Variants in CLCN4 observed in about 807,000 individuals in gnomAD.
CLCN4 encodes H(+)/Cl(-) exchange transporter 4.
A neutral mutation model predicts 41.7 loss-of-function variants in CLCN4; 1 was observed. That is an observed-to-expected ratio of 0.02 (90% CI 0.01 to 0.11). CLCN4 has a LOEUF of 0.11. Among genes scored for constraint, CLCN4 ranks in the 10% least tolerant of loss-of-function variants. The pLI, the probability that CLCN4 is intolerant of heterozygous loss-of-function variation, is 1.00. For synonymous variants in CLCN4, 277 were observed against 285.8 expected (o/e 0.97, Z 0.31); for missense variants, 287 against 661.0 (o/e 0.43, Z 6.20).
chrX:10,157,098 A>T lies in CLCN4; in HGVS notation c.-277A>T. 1 of 297,848 alleles carries T rather than the reference A, an allele frequency of 3.4e-6. No individual in the cohort carries two copies. Among genetic ancestry groups the T allele is most frequent in the Admixed American group, 6.0e-5 (1 of 16,591 alleles). 24.5% of individuals were successfully genotyped at this position (297,848 alleles called of 1,213,427 possible). A position where few individuals can be genotyped will look rare whatever the true frequency, so the allele number is the denominator to read the frequency against. ...ACTTTATCTCAGAATCTGAAAGCGGAAGGTAAGCTGCTTATCACTCAGAAA... is the reference window on the plus strand; with the variant it reads ...ACTTTATCTCAGAATCTGAAAGCGGTAGGTAAGCTGCTTATCACTCAGAAA... On this transcript the variant is annotated splice_region_variant and 5_prime_UTR_variant, in exon 1 of 13. Transcript: ENST00000380833.
At chrX:10,212,148 A>C (rs1924573283) in intron 9 of CLCN4, among the ~76,000 whole-genome samples, 1 of 112,488 alleles carries the variant, frequency 8.9e-6, no homozygotes, top group African/African-American at 3.2e-5. Flanking sequence ...GTCTCAACTG[A>C]CAGATGCTCA....
intron 6 of CLCN4, among the ~76,000 whole-genome samples, chrX:10,200,034 A>G (rs1303687898): frequency 8.9e-6 from 1 of 111,789 alleles, no homozygotes; most frequent in East Asian, 2.8e-4. Context: ...TACAGGCGTG[A>G]GCCGCCACGC....
intron 2 of CLCN4, among the ~76,000 whole-genome samples, chrX:10,165,229 G>A (rs957818516): frequency 4.4e-5 from 5 of 112,970 alleles, no homozygotes; most frequent in Admixed American, 9.3e-5. Flanking sequence ...CAGCCCCCTC[G>A]TATTCAACAG....
chrX:10,213,650 T>C, intron 10 of CLCN4, 31 bp from the exon 11 acceptor site: 1 of 1,176,988 alleles, frequency 8.5e-7, no homozygotes, highest in Non-Finnish European at 1.1e-6. Context: ...CGGCTTGCAC[T>C]TTGGAATCTT....
chrX:10,197,698 G>A (rs1162135349), intron 5 of CLCN4, among the ~76,000 whole-genome samples: 1 of 111,736 alleles, frequency 8.9e-6, no homozygotes, highest in Non-Finnish European at 1.9e-5. Context: ...CCTTCCCTGT[G>A]TAGAAGGCGC....
chrX:10,230,985 T>A (rs1032484255), intron 12 of CLCN4, among the ~76,000 whole-genome samples: 2 of 111,882 alleles, frequency 1.8e-5, no homozygotes, highest in Admixed American at 1.9e-4. Context: ...AAATCCCCTG[T>A]GCTCTGCCTA....
At chrX:10,214,441 T>G (rs1924653606) in intron 11 of CLCN4, among the ~76,000 whole-genome samples, 1 of 113,091 alleles carries the variant, frequency 8.8e-6, no homozygotes, top group Non-Finnish European at 1.9e-5. Context: ...TTTCAGCAAT[T>G]GTTGGCTAAA....
intron 6 of CLCN4, among the ~76,000 whole-genome samples, chrX:10,198,774 C>G (rs777582274): frequency 3.7e-4 from 41 of 112,055 alleles, no homozygotes; most frequent in Non-Finnish European, 6.0e-4. Flanking sequence ...AGCTGATTCC[C>G]GAAAAGCCCA....
intron 5 of CLCN4, among the ~76,000 whole-genome samples, chrX:10,197,667 A>C (rs1017368102): frequency 9.0e-6 from 1 of 111,534 alleles, no homozygotes; most frequent in Non-Finnish European, 1.9e-5. Flanking sequence ...AGCATCATCC[A>C]CGGTTTCCAT....
intron 3 of CLCN4, among the ~76,000 whole-genome samples, chrX:10,186,882 A>G: frequency 8.9e-6 from 1 of 111,804 alleles, no homozygotes; most frequent in Non-Finnish European, 1.9e-5. Context: ...AACGGAGACC[A>G]TCCGGCCCGC....
chrX:10,173,340 T>C (rs768510853), intron 2 of CLCN4, among the ~76,000 whole-genome samples: 2 of 111,456 alleles, frequency 1.8e-5, no homozygotes, highest in South Asian at 3.8e-4. Flanking sequence ...AGGCCGCACA[T>C]TGGCAGCACC....
chrX:10,218,846 A>G (rs1199479985), intron 11 of CLCN4, among the ~76,000 whole-genome samples: 2 of 112,445 alleles, frequency 1.8e-5, no homozygotes, highest in Admixed American at 9.4e-5. Context: ...GCTGATGCCT[A>G]TATTTTTGCT....
intron 12 of CLCN4, among the ~76,000 whole-genome samples, chrX:10,224,010 G>A (rs1488929278): frequency 2.7e-5 from 3 of 111,836 alleles, no homozygotes; most frequent in East Asian, 5.6e-4. Flanking sequence ...TGCCACTAAC[G>A]AAGCCTGCTG....
At chrX:10,199,721 C>T (rs937180984) in intron 6 of CLCN4, among the ~76,000 whole-genome samples, 1 of 111,989 alleles carries the variant, frequency 8.9e-6, no homozygotes, top group Admixed American at 9.4e-5. Context: ...AACAAATTTG[C>T]ATTTTCTTTT....
intron 4 of CLCN4, among the ~76,000 whole-genome samples, chrX:10,192,283 A>G (rs1229250750): frequency 1.8e-5 from 2 of 109,882 alleles, no homozygotes; most frequent in African/African-American, 6.8e-5. Flanking sequence ...GGAGAAAAAG[A>G]GAAAGAGAGC....
intron 2 of CLCN4, among the ~76,000 whole-genome samples, chrX:10,171,510 T>C (rs1923385481): frequency 9.0e-6 from 1 of 111,060 alleles, no homozygotes; most frequent in African/African-American, 3.3e-5. Context: ...AAGGCAGCCA[T>C]TAGGGCCGGG....
chrX:10,224,982 C>T (rs752007182), intron 12 of CLCN4, among the ~76,000 whole-genome samples: 160 of 112,114 alleles, frequency 1.4e-3, no homozygotes, highest in Non-Finnish European at 2.6e-3. Flanking sequence ...TTTCTTTATC[C>T]AGTCTATCAC....
chrX:10,201,134 G>A (rs1220216778), intron 6 of CLCN4, among the ~76,000 whole-genome samples: 2 of 112,030 alleles, frequency 1.8e-5, no homozygotes, highest in Non-Finnish European at 3.8e-5. Flanking sequence ...ATGAAAAAAC[G>A]TATGTGCTAA....
intron 9 of CLCN4, among the ~76,000 whole-genome samples, chrX:10,212,231 G>C (rs1924575253): frequency 8.9e-6 from 1 of 112,106 alleles, no homozygotes; most frequent in Non-Finnish European, 1.9e-5. Flanking sequence ...GCTTTTGAAG[G>C]AGAGGGAATC....
Sources: gnomAD v4.1 joint callset for allele counts (sites outside exome capture counted in the v4.1 genomes callset) on GRCh38, gnomAD v4.1.1 for gene constraint, MANE v1.5 for transcripts, NCBI Gene and HGNC (gene_info 2026-07-23, HGNC 2026-07-21) for gene names.